Variants in SLC2A12 observed in about 807,000 individuals in gnomAD.
SLC2A12 encodes the protein solute carrier family 2, facilitated glucose transporter member 12.
In SLC2A12, 23 loss-of-function variants were observed where a neutral mutation model predicts 41.8. The ratio of observed to expected loss-of-function variants is 0.55; its 90% CI spans 0.40 to 0.78. The LOEUF is 0.78. Ranked by LOEUF, SLC2A12 falls within the 30% of genes least tolerant of loss-of-function variation. The pLI, the probability that SLC2A12 is intolerant of heterozygous loss-of-function variation, is 0.00. For missense variants in SLC2A12, 654 were observed against 745.6 expected (o/e 0.88, Z 1.43); for synonymous variants, 295 against 285.9 (o/e 1.03, Z -0.32).
chr6:134,001,933 G>A, intron 4 of SLC2A12, 64 bp downstream of exon 4: 9 of 1,530,548 alleles, frequency 5.9e-6, no homozygotes, highest in East Asian at 2.3e-5. Flanking sequence ...TTCCTTTGCT[G>A]TATATAAAAG....
At chr6:134,008,336 A>T (rs1481983718) in intron 2 of SLC2A12, among the ~76,000 whole-genome samples, 1 of 152,234 alleles carries the variant, frequency 6.6e-6, no homozygotes, top group East Asian at 1.9e-4. Flanking sequence ...TGGATTGCAG[A>T]AGACTGGAAA....
chr6:134,040,065 T>TG lies in SLC2A12; in HGVS notation c.104-10345_104-10344insC, dbSNP rs1554209004. On this transcript the variant is annotated intron_variant, in intron 1 of 4. Coordinates refer to ENST00000275230, the MANE Select transcript of SLC2A12 (RefSeq NM_145176.3). ...CTCAGGTTGTTGTTTTTTGTTTTTT[T>TG]TTTTTTGTTTTTTGTTTTTTGTTTT... Among the ~76,000 whole-genome samples, 584 of 151,138 alleles carry TG rather than the reference T, an allele frequency of 3.9e-3. 2 individuals are homozygous for TG. The highest frequency in any genetic ancestry group is 0.012 in the African/African-American group (504 of 41,110).
chr6:134,038,482 C>T (rs1777335885), intron 1 of SLC2A12, among the ~76,000 whole-genome samples: 1 of 148,648 alleles, frequency 6.7e-6, no homozygotes, highest in Non-Finnish European at 1.5e-5. Context: ...CTTTCTCAGC[C>T]ATCCGAATAG....
chr6:133,994,430 T>G (rs1347645388), intron 4 of SLC2A12, among the ~76,000 whole-genome samples: 1 of 152,052 alleles, frequency 6.6e-6, no homozygotes, highest in East Asian at 1.9e-4. Context: ...ATCAATGAGA[T>G]AAAAACTGTA....
intron 2 of SLC2A12, among the ~76,000 whole-genome samples, chr6:134,013,629 TG>T (rs1303424218): frequency 6.6e-6 from 1 of 152,166 alleles, no homozygotes; most frequent in Admixed American, 6.5e-5. Flanking sequence ...AATTAAAATA[TG>T]GGGAGTTGAA....
chr6:134,052,506 C>G lies in SLC2A12; in HGVS notation c.-26G>C. On this transcript the variant is annotated 5_prime_UTR_variant, in exon 1 of 5. Transcript: ENST00000275230. ...GGTCACGTAGAAGTTACAGCCGCTTCCCCGCCACCAAACCGCCCCGACCAC... is the reference window on the plus strand; with the variant it reads ...GGTCACGTAGAAGTTACAGCCGCTTGCCCGCCACCAAACCGCCCCGACCAC... The G allele has an allele frequency of 6.3e-7, 1 of 1,598,204 alleles. No homozygotes were observed. The highest frequency in any genetic ancestry group is 8.6e-7 in the Non-Finnish European group (1 of 1,168,628).
At chr6:134,010,599 G>T (rs2811673) in intron 2 of SLC2A12, among the ~76,000 whole-genome samples, 25,058 of 152,156 alleles carry the variant, frequency 0.16, 2,448 homozygotes, top group South Asian at 0.28. Context: ...TGCAATAATG[G>T]AGGAAGTTTT....
At chr6:134,001,859 G>C (rs1776757517) in intron 4 of SLC2A12, 138 bp downstream of exon 4, 6 of 854,914 alleles carry the variant, frequency 7.0e-6, no homozygotes, top group African/African-American at 1.8e-5. Flanking sequence ...ATTATGCACT[G>C]AGACATAGTC....
chr6:133,998,363 A>G (rs917920239), intron 4 of SLC2A12, among the ~76,000 whole-genome samples: 1 of 152,228 alleles, frequency 6.6e-6, no homozygotes, highest in Non-Finnish European at 1.5e-5. Context: ...AAAGGATTTG[A>G]AAGTTCTTAA....
At chr6:134,005,692 A>AG (rs1776804786) in intron 3 of SLC2A12, among the ~76,000 whole-genome samples, 5 of 130,446 alleles carry the variant, frequency 3.8e-5, no homozygotes, top group Admixed American at 7.8e-5. Flanking sequence ...AAAAAAAAAA[A>AG]AGAATCTCCC....
At chr6:134,032,468 T>TATATATA (rs1562201761) in intron 1 of SLC2A12, among the ~76,000 whole-genome samples, 1 of 34,300 alleles carries the variant, frequency 2.9e-5, no homozygotes, top group African/African-American at 1.4e-4. Context: ...ATATATATTT[T>TATATATA]TATATATATA....
At chr6:134,001,894 CTAA>C in intron 4 of SLC2A12, 100 bp downstream of exon 4, 1 of 1,246,424 alleles carries the variant, frequency 8.0e-7, no homozygotes, top group South Asian at 1.5e-5. Flanking sequence ...ATGTCCTAAT[CTAA>C]TAATATCTAA....
intron 1 of SLC2A12, among the ~76,000 whole-genome samples, chr6:134,042,668 T>A (rs925535322): frequency 1.3e-5 from 2 of 151,826 alleles, no homozygotes; most frequent in East Asian, 1.9e-4. Flanking sequence ...AAAAGTTGAT[T>A]TATAAGAAAC....
At position 134,029,566 on chromosome 6, in the gene SLC2A12, C is replaced by G. The variant is rs147475994; in HGVS notation, c.259G>C (p.Val87Leu). The change falls in exon 2 of 5, where the codon GTC becomes CTC. Residue 87 changes from valine to leucine, a missense_variant. Physicochemically the swap from Val to Leu is conservative, Grantham distance 32. Transcript: ENST00000275230. ...HEQEMVVSSL[V>L]IGALLASLTG... ...AGTGAGGCAAGGAGGGCTCCAATGA[C>G]GAGGGAGCTCACAACCATTTCCTGC... The G allele has an allele frequency of 5.1e-4, 824 of 1,614,084 alleles. 13 individuals are homozygous for G. In the South Asian group the frequency reaches 8.6e-3, roughly 17 times the overall value.
intron 1 of SLC2A12, among the ~76,000 whole-genome samples, chr6:134,040,537 T>A (rs1181179545): frequency 6.6e-6 from 1 of 152,238 alleles, no homozygotes; most frequent in African/African-American, 2.4e-5. Flanking sequence ...ACTGTACCCA[T>A]CCTCCTGTTC....
At chr6:134,020,231 C>A (rs918477839) in intron 2 of SLC2A12, among the ~76,000 whole-genome samples, 3 of 152,262 alleles carry the variant, frequency 2.0e-5, no homozygotes, top group Admixed American at 1.3e-4. Context: ...GAATGTTGTT[C>A]TAAGCCAATC....
At chr6:134,021,118 A>G (rs1013105586) in intron 2 of SLC2A12, among the ~76,000 whole-genome samples, 1 of 152,188 alleles carries the variant, frequency 6.6e-6, no homozygotes, top group Non-Finnish European at 1.5e-5. Flanking sequence ...TGCCCAAGTG[A>G]TGGATTGTTC....
intron 2 of SLC2A12, among the ~76,000 whole-genome samples, chr6:134,022,245 C>T (rs1777049939): frequency 6.6e-6 from 1 of 151,780 alleles, no homozygotes; most frequent in South Asian, 2.1e-4. Flanking sequence ...ATTTCTTTTA[C>T]TTGTTTTCTA....
rs943566360 is a variant in SLC2A12, at chr6:134,006,186, A to C, written c.1567+626T>G. Among the ~76,000 whole-genome samples the C allele has an allele frequency of 7.1e-5, 10 of 141,012 alleles. 1 individual carries two copies. Among genetic ancestry groups the C allele is most frequent in the South Asian group, 2.5e-4 (1 of 4,016 alleles). The allele number at this position is 141,012 out of a possible 152,430, so 92.5% of individuals were successfully genotyped here. A position where few individuals can be genotyped will look rare whatever the true frequency, so the allele number is the denominator to read the frequency against. ...AGAGAGAGACTATCGGAAAAAAAAAAAAAAAACAAAAAAAAAAACAGAGAA... is the reference window on the plus strand; with the variant it reads ...AGAGAGAGACTATCGGAAAAAAAAACAAAAAACAAAAAAAAAAACAGAGAA... On this transcript the variant is annotated intron_variant, in intron 3 of 4. Coordinates refer to ENST00000275230, the MANE Select transcript of SLC2A12 (RefSeq NM_145176.3).
Sources: gnomAD v4.1 joint callset for allele counts (sites outside exome capture counted in the v4.1 genomes callset) on GRCh38, gnomAD v4.1.1 for gene constraint, MANE v1.5 for transcripts, NCBI Gene and HGNC (gene_info 2026-07-23, HGNC 2026-07-21) for gene names.